Variants in MAPRE2 observed in about 807,000 individuals in gnomAD.
The protein encoded by MAPRE2 is microtubule-associated protein RP/EB family member 2.
In MAPRE2, 13 loss-of-function variants were observed where a neutral mutation model predicts 43.2. That is an observed-to-expected ratio of 0.30 (90% CI 0.20 to 0.48). The LOEUF is 0.48. Among genes scored for constraint, MAPRE2 ranks in the 20% least tolerant of loss-of-function variants. The pLI is 0.99. For synonymous variants in MAPRE2, 135 were observed against 148.8 expected, an observed-to-expected ratio of 0.91 and a Z score of 0.68; for missense variants, 161 against 400.2, an observed-to-expected ratio of 0.40 and a Z score of 5.10.
At chr18:34,981,506 A>ATCTC (rs1384468517) in intron 1 of MAPRE2, among the ~76,000 whole-genome samples, 6 of 152,192 alleles carry the variant, frequency 3.9e-5, no homozygotes, top group Admixed American at 3.3e-4. Context: ...AAAGTGTGTC[A>ATCTC]TCTCTATTTT....
chr18:34,990,975 A>G (rs72950522), intron 1 of MAPRE2, among the ~76,000 whole-genome samples: 10,749 of 152,218 alleles, frequency 0.071, 607 homozygotes, highest in African/African-American at 0.15. Context: ...GGGGACAGAT[A>G]ATCTGATGGG....
chr18:35,122,874 G>A (rs1909746581), intron 4 of MAPRE2, among the ~76,000 whole-genome samples: 1 of 152,240 alleles, frequency 6.6e-6, no homozygotes, highest in African/African-American at 2.4e-5. Context: ...AGCTTGGTGA[G>A]TCCAAGCCAC....
intron 2 of MAPRE2, among the ~76,000 whole-genome samples, chr18:35,096,930 A>T (rs891684008): frequency 6.6e-6 from 1 of 152,150 alleles, no homozygotes; most frequent in Non-Finnish European, 1.5e-5. Flanking sequence ...TATTTTGTAA[A>T]TACCACAGCT....
At chr18:35,120,728 T>C (rs1909629952) in intron 4 of MAPRE2, among the ~76,000 whole-genome samples, 2 of 150,040 alleles carry the variant, frequency 1.3e-5, no homozygotes, top group African/African-American at 4.9e-5. Flanking sequence ...TGACATTACT[T>C]TTTTTTTTAA....
intron 4 of MAPRE2, among the ~76,000 whole-genome samples, chr18:35,107,466 CTAAG>C (rs1017614841): frequency 2.0e-5 from 3 of 151,894 alleles, no homozygotes; most frequent in Admixed American, 6.6e-5. Context: ...CACCTGTCAT[CTAAG>C]TACTCATCAC....
At chr18:35,139,851 C>G (rs1910547883) in intron 6 of MAPRE2, among the ~76,000 whole-genome samples, 1 of 152,178 alleles carries the variant, frequency 6.6e-6, no homozygotes, top group South Asian at 2.1e-4. Context: ...AGCCCACATC[C>G]CTATCCATTA....
At chr18:35,009,737 A>G (rs369216412) in intron 2 of MAPRE2, among the ~76,000 whole-genome samples, 13 of 152,326 alleles carry the variant, frequency 8.5e-5, no homozygotes, top group African/African-American at 2.9e-4. Flanking sequence ...ATGATGATGG[A>G]AGTAAATCAC....
chr18:35,118,693 T>C (rs1909528803), intron 4 of MAPRE2, among the ~76,000 whole-genome samples: 1 of 152,176 alleles, frequency 6.6e-6, no homozygotes, highest in Non-Finnish European at 1.5e-5. Context: ...CATGTCACTC[T>C]GTTCAGGATC....
intron 5 of MAPRE2, among the ~76,000 whole-genome samples, chr18:35,130,751 G>A (rs932321766): frequency 6.6e-6 from 1 of 152,184 alleles, no homozygotes; most frequent in African/African-American, 2.4e-5. Flanking sequence ...GATCCTCAGA[G>A]ACCAGGAACG....
At chr18:35,072,613 G>A (rs976776127) in intron 2 of MAPRE2, among the ~76,000 whole-genome samples, 1 of 152,146 alleles carries the variant, frequency 6.6e-6, no homozygotes. Flanking sequence ...GTATTTATAA[G>A]CAATATACAT....
At chr18:35,127,471 G>A (rs1193109294) in intron 5 of MAPRE2, 1 of 167,286 alleles carries the variant, frequency 6.0e-6, no homozygotes, top group Non-Finnish European at 1.3e-5. Flanking sequence ...TTTAAAGGCT[G>A]GGTCAGGGTT....
intron 2 of MAPRE2, among the ~76,000 whole-genome samples, chr18:35,081,465 C>A (rs982374860): frequency 2.6e-5 from 4 of 152,200 alleles, no homozygotes; most frequent in Admixed American, 1.3e-4. Context: ...TCTGTAATTG[C>A]TGGAGGCTTC....
intron 1 of MAPRE2, among the ~76,000 whole-genome samples, chr18:35,063,786 C>T (rs1216404610): frequency 6.6e-6 from 1 of 151,764 alleles, no homozygotes; most frequent in African/African-American, 2.4e-5. Flanking sequence ...TTTTTGAGCC[C>T]AGGAATTCAT....
chr18:35,138,846 CT>C (rs1294146022), intron 6 of MAPRE2, among the ~76,000 whole-genome samples: 1 of 152,138 alleles, frequency 6.6e-6, no homozygotes, highest in Admixed American at 6.5e-5. Flanking sequence ...ATGTTGTAAC[CT>C]TGACATTCTA....
At chr18:35,133,671 A>G (rs1235630953) in intron 6 of MAPRE2, among the ~76,000 whole-genome samples, 2 of 152,214 alleles carry the variant, frequency 1.3e-5, no homozygotes, top group East Asian at 3.8e-4. Flanking sequence ...CAAACGGGGA[A>G]ACCCTGAGTC....
At chr18:35,055,149 A>G (rs976935307) in intron 1 of MAPRE2, among the ~76,000 whole-genome samples, 1 of 152,210 alleles carries the variant, frequency 6.6e-6, no homozygotes, top group Non-Finnish European at 1.5e-5. Context: ...TCCCATAACA[A>G]ATTACCACAA....
At chr18:35,034,905 C>T (rs1301283274) in intron 2 of MAPRE2, among the ~76,000 whole-genome samples, 11 of 152,038 alleles carry the variant, frequency 7.2e-5, no homozygotes, top group Non-Finnish European at 1.3e-4. Context: ...CACTTTTACC[C>T]TGTTGGTGGG....
rs543463330 is a variant in MAPRE2, at chr18:35,136,275, G to T, written c.910-4020G>T. ...CCCTGTGGATTCTGTCAGCTGAAGG[G>T]CACCAGCTTATGAACAGTTACTTGT... On this transcript the variant is annotated intron_variant, in intron 6 of 6. Coordinates refer to ENST00000300249, the MANE Select transcript of MAPRE2 (RefSeq NM_014268.4). Among the ~76,000 whole-genome samples the T allele has an allele frequency of 5.3e-5, 8 of 152,306 alleles. No individual in the cohort carries two copies. The East Asian group carries it at 1.5e-3, about 29-fold the overall frequency.
At chr18:35,069,629 T>C (rs1447388700) in intron 1 of MAPRE2, among the ~76,000 whole-genome samples, 2 of 152,176 alleles carry the variant, frequency 1.3e-5, no homozygotes, top group Non-Finnish European at 2.9e-5. Context: ...GTTTCCAAAA[T>C]AGAAGTTAAT....
Sources: gnomAD v4.1 joint callset for allele counts (sites outside exome capture counted in the v4.1 genomes callset) on GRCh38, gnomAD v4.1.1 for gene constraint, MANE v1.5 for transcripts, NCBI Gene and HGNC (gene_info 2026-07-23, HGNC 2026-07-21) for gene names.